Variants in PIKFYVE observed in about 807,000 individuals in gnomAD.
The protein encoded by PIKFYVE is 1-phosphatidylinositol 3-phosphate 5-kinase.
In PIKFYVE, 122 loss-of-function variants were observed where a neutral mutation model predicts 257.9. The ratio of observed to expected loss-of-function variants is 0.47; its 90% CI spans 0.41 to 0.55. PIKFYVE has a LOEUF of 0.55. Among genes scored for constraint, PIKFYVE ranks in the 20% least tolerant of loss-of-function variants. The pLI, the probability that PIKFYVE is intolerant of heterozygous loss-of-function variation, is 0.00. For missense variants in PIKFYVE, 2,160 were observed against 2,536.6 expected, an observed-to-expected ratio of 0.85 and a Z score of 3.19; for synonymous variants, 892 against 868.9, an observed-to-expected ratio of 1.03 and a Z score of -0.47.
Position 208,314,363 on chromosome 2 carries a change from A to T in PIKFYVE, c.1766A>T (p.His589Leu). 6.2e-7 allele frequency: 1 copy of T among 1,614,084 alleles called. No individual in the cohort carries two copies. Among genetic ancestry groups the T allele is most frequent in the Non-Finnish European group, 8.5e-7 (1 of 1,179,948 alleles). Reference sequence around the variant, plus strand: ...CCTTTCACACCTTTGGGCTGGCATCATAACAACCTGGAGCTCCTGAGGGAG... The same window carrying T: ...CCTTTCACACCTTTGGGCTGGCATCTTAACAACCTGGAGCTCCTGAGGGAG... ...ELPFTPLGWHHNNLELLREEN... is the reference protein window; with the variant it reads ...ELPFTPLGWHLNNLELLREEN... The change falls in exon 14 of 42, where the codon CAT becomes CTT. Residue 589 changes from histidine (H) to leucine (L), a missense_variant. This residue lies in a region of PIKFYVE where 346 missense variants were observed against 365.6 expected (regional missense o/e 0.95). Transcript: ENST00000264380.
intron 27 of PIKFYVE, among the ~76,000 whole-genome samples, chr2:208,336,596 G>T (rs149990864): frequency 4.0e-5 from 6 of 151,772 alleles, no homozygotes; most frequent in African/African-American, 1.4e-4. Context: ...TTATTTTTTA[G>T]AAGTATTTTT....
At chr2:208,287,526 G>A (rs112603749) in intron 6 of PIKFYVE, among the ~76,000 whole-genome samples, 3 of 151,338 alleles carry the variant, frequency 2.0e-5, no homozygotes, top group East Asian at 2.0e-4. Context: ...TACCCGCCTC[G>A]GCCTCCCAAA....
Position 208,320,241 on chromosome 2 carries a change from AT to A in PIKFYVE, c.2083-5del. The A allele has an allele frequency of 1.2e-6, 2 of 1,609,872 alleles. No individual in the cohort carries two copies. Among genetic ancestry groups the A allele is most frequent in the Non-Finnish European group, 1.7e-6 (2 of 1,177,528 alleles). Reference sequence around the variant, plus strand: ...CTTTAAACACTTTAACAAACTGTTCATTTTTTGTAGATGAGTTCTTGTATTA... The same window carrying A: ...CTTTAAACACTTTAACAAACTGTTCATTTTTGTAGATGAGTTCTTGTATTA... On this transcript the variant is annotated splice_polypyrimidine_tract_variant and intron_variant, in intron 16 of 41. Coordinates refer to ENST00000264380, the MANE Select transcript of PIKFYVE (RefSeq NM_015040.4).
chr2:208,310,675 G>A (rs1036669960), intron 12 of PIKFYVE, among the ~76,000 whole-genome samples: 27 of 152,110 alleles, frequency 1.8e-4, no homozygotes, highest in African/African-American at 2.7e-4. Context: ...ATTGTACTCC[G>A]AATGTGGGAC....
chr2:208,331,886 T>C (rs1210980702), intron 23 of PIKFYVE, among the ~76,000 whole-genome samples: 1 of 152,226 alleles, frequency 6.6e-6, no homozygotes, highest in African/African-American at 2.4e-5. Context: ...ATTAGTTAGC[T>C]GGTAATAGTT....
intron 7 of PIKFYVE, among the ~76,000 whole-genome samples, chr2:208,291,980 T>C (rs1692372026): frequency 6.6e-6 from 1 of 152,154 alleles, no homozygotes; most frequent in Non-Finnish European, 1.5e-5. Context: ...TCCACGAATT[T>C]AGTTAGGTTG....
At chr2:208,271,232 C>T (rs2124986519) in intron 1 of PIKFYVE, among the ~76,000 whole-genome samples, 1 of 152,104 alleles carries the variant, frequency 6.6e-6, no homozygotes, top group East Asian at 1.9e-4. Flanking sequence ...TGCTTTACCT[C>T]CAAATTTTTA....
At chr2:208,353,189 T>C (rs1460230784) in intron 39 of PIKFYVE, among the ~76,000 whole-genome samples, 1 of 152,190 alleles carries the variant, frequency 6.6e-6, no homozygotes, top group Non-Finnish European at 1.5e-5. Flanking sequence ...TTCCAGTCTA[T>C]GATAAGATAA....
At chr2:208,272,753 G>T (rs535214849) in intron 2 of PIKFYVE, among the ~76,000 whole-genome samples, 39 of 151,674 alleles carry the variant, frequency 2.6e-4, no homozygotes, top group Non-Finnish European at 4.6e-4. Context: ...TGTTTAAAGT[G>T]CTATGAAAAC....
chr2:208,326,079 C>G lies in PIKFYVE; in HGVS notation c.3268C>G (p.Leu1090Val), dbSNP rs762106865. The change falls in exon 20 of 42, where the codon CTC becomes GTC. Residue 1090 changes from leucine (L) to valine (V), a missense_variant. By Grantham distance (32) the Leu-to-Val change is conservative. Transcript: ENST00000264380. ...YFAEQVYWSPLLNKEFKEMEN... is the reference protein window; with the variant it reads ...YFAEQVYWSPVLNKEFKEMEN... ...TGCAGAGCAGGTTTACTGGTCTCCT[C>G]TCCTCAATAAAGAATTCAAAGAAAT... 4.3e-6 allele frequency: 7 copies of G among 1,614,152 alleles called. No individual in the cohort carries two copies. The highest frequency in any genetic ancestry group is 5.9e-6 in the Non-Finnish European group (7 of 1,180,038).
chr2:208,273,181 G>T (rs555551003), intron 2 of PIKFYVE, among the ~76,000 whole-genome samples: 3 of 152,314 alleles, frequency 2.0e-5, no homozygotes, highest in African/African-American at 4.8e-5. Flanking sequence ...TATGAAGCTT[G>T]CATTTTGTTT....
At chr2:208,299,749 A>G (rs1693457724) in intron 8 of PIKFYVE, among the ~76,000 whole-genome samples, 2 of 152,244 alleles carry the variant, frequency 1.3e-5, no homozygotes, top group South Asian at 2.1e-4. Context: ...TTTATATGAA[A>G]TAATCAGTTG....
In PIKFYVE at chr2:208,336,173, G is replaced by T. The variant is rs781269424; in HGVS notation, c.4493G>T (p.Cys1498Phe). Residue 1498 changes from cysteine (C) to phenylalanine (F), a missense_variant, in exon 27 of 42, where the codon TGT (cysteine) becomes TTT (phenylalanine). This residue lies in a region of PIKFYVE where 699 missense variants were observed against 855.8 expected (regional missense o/e 0.82). Transcript: ENST00000264380. ...CTCATTGCCAAGAAACAAAGTCTCT[G>T]TGAAGTGCTGCAAGCTTGGAATAAC... ...ESLIAKKQSL[C>F]EVLQAWNNRL... is the part of the protein sequence containing the mutation. 2 of 1,613,922 alleles carry T rather than the reference G, an allele frequency of 1.2e-6. No individual in the cohort carries two copies. Among genetic ancestry groups the T allele is most frequent in the Non-Finnish European group, 8.5e-7 (1 of 1,179,950 alleles).
chr2:208,293,871 A>T (rs1227495349), intron 7 of PIKFYVE, among the ~76,000 whole-genome samples: 2 of 152,030 alleles, frequency 1.3e-5, no homozygotes, highest in Non-Finnish European at 2.9e-5. Flanking sequence ...CTGCCATTTG[A>T]ATACACTTAG....
intron 1 of PIKFYVE, 89 bp from the exon 2 acceptor site, chr2:208,271,422 G>A: frequency 1.6e-6 from 2 of 1,234,650 alleles, no homozygotes; most frequent in Non-Finnish European, 2.4e-6. Context: ...TCACAGAATA[G>A]GATTTTCTGG....
chr2:208,347,035 T>G (rs774860663), intron 34 of PIKFYVE, among the ~76,000 whole-genome samples: 2 of 152,094 alleles, frequency 1.3e-5, no homozygotes, highest in Non-Finnish European at 2.9e-5. Flanking sequence ...ATTGTCCCGG[T>G]TGGGTTATAC....
intron 28 of PIKFYVE, 27 bp downstream of exon 28, chr2:208,336,955 C>A: frequency 1.3e-6 from 2 of 1,514,144 alleles, no homozygotes; most frequent in South Asian, 1.1e-5. Context: ...TGTCTTTGGT[C>A]CTTAATCAAT....
At chr2:208,290,302 A>G (rs750106216) in intron 7 of PIKFYVE, among the ~76,000 whole-genome samples, 1 of 152,194 alleles carries the variant, frequency 6.6e-6, no homozygotes, top group East Asian at 1.9e-4. Flanking sequence ...CCAACCCATG[A>G]CAATCATTAA....
rs567087217 is a variant in PIKFYVE, at chr2:208,277,215, A to G, written c.442-322A>G. On this transcript the variant is annotated intron_variant, in intron 4 of 41. Transcript: ENST00000264380. ...CCATCTTTCACTGATTGCATTATAA[A>G]TTCCACCGTAAGTCCATATATGTGT... is the stretch of plus-strand genomic sequence containing the variant. 3.3e-5 allele frequency among the ~76,000 whole-genome samples: 5 copies of G among 152,284 alleles called. No individual in the cohort carries two copies. The South Asian group carries it at 1.0e-3, about 32-fold the overall frequency.
Sources: gnomAD v4.1 joint callset for allele counts (sites outside exome capture counted in the v4.1 genomes callset) on GRCh38, gnomAD v4.1.1 for gene constraint, gnomAD v4.1.1 regional missense constraint, MANE v1.5 for transcripts, NCBI Gene and HGNC (gene_info 2026-07-23, HGNC 2026-07-21) for gene names.